The following ALG13 variants were observed in gnomAD, a reference collection of about 807,000 sequenced individuals.
ALG13 encodes the protein UDP-N-acetylglucosamine transferase subunit ALG13.
Under a neutral mutation model 87.8 loss-of-function variants are expected in ALG13, and 11 were observed. That is an observed-to-expected ratio of 0.13 (90% CI 0.08 to 0.21). ALG13 has a LOEUF of 0.21. ALG13 is among the 10% of genes least tolerant of loss of function. The pLI is 1.00. For synonymous variants in ALG13, 320 were observed against 306.3 expected (o/e 1.04, Z -0.47); for missense variants, 756 against 866.1 (o/e 0.87, Z 1.60).
intron 8 of ALG13, chrX:111,716,904 A>G (rs1307729301): frequency 9.0e-6 from 1 of 111,165 alleles, no homozygotes; most frequent in Non-Finnish European, 1.9e-5. Context: ...CTTAATCACT[A>G]GGGATTATAT....
intron 15 of ALG13, among the ~76,000 whole-genome samples, 184 bp from the exon 16 acceptor site, chrX:111,726,625 T>G (rs1314842730): frequency 9.0e-6 from 1 of 110,857 alleles, no homozygotes; most frequent in East Asian, 2.8e-4. Context: ...TACCTGCTGG[T>G]TTTGTCCTTC....
intron 1 of ALG13, chrX:111,681,798 C>G: frequency 1.2e-6 from 1 of 842,781 alleles, no homozygotes. Context: ...GTCGTCCCCT[C>G]AGGGCTCCCG....
chrX:111,739,263 C>T (rs749350090), intron 23 of ALG13, among the ~76,000 whole-genome samples: 4 of 111,665 alleles, frequency 3.6e-5, no homozygotes, highest in African/African-American at 6.5e-5. Context: ...TGAGAATTTA[C>T]TCACTATCAC....
chrX:111,717,209 G>A (rs1274134939), intron 8 of ALG13, among the ~76,000 whole-genome samples: 1 of 110,991 alleles, frequency 9.0e-6, no homozygotes, highest in East Asian at 2.8e-4. Flanking sequence ...AACAAGCATG[G>A]CCTTTGAATT....
At position 111,740,835 on chromosome X, in the gene ALG13, CAATT is replaced by C. The variant is rs1239579925; in HGVS notation, c.2696-3828_2696-3825del. On this transcript the variant is annotated intron_variant, in intron 23 of 26. Transcript: ENST00000394780. ...TTACTTTAAGAGGATGATAGGAAAT[CAATT>C]AATTTTCTTGAAAACTGGAACATGA... Among the ~76,000 whole-genome samples the C allele has an allele frequency of 2.4e-3, 268 of 112,153 alleles. 1 individual carries two copies. The highest frequency in any genetic ancestry group is 9.3e-3 in the Middle Eastern group (2 of 216).
At chrX:111,696,323 A>C (rs1458258018) in intron 3 of ALG13, among the ~76,000 whole-genome samples, 2 of 111,828 alleles carry the variant, frequency 1.8e-5, no homozygotes, top group East Asian at 5.6e-4. Context: ...CCACTGTTGA[A>C]TCACAGAGTA....
chrX:111,745,816 T>C (rs375474528), intron 24 of ALG13, among the ~76,000 whole-genome samples: 1 of 111,405 alleles, frequency 9.0e-6, no homozygotes, highest in Admixed American at 9.6e-5. Flanking sequence ...AATAGTGGTA[T>C]CATTTCCACC....
chrX:111,698,593 G>T (rs192983269), intron 3 of ALG13, among the ~76,000 whole-genome samples: 1 of 111,204 alleles, frequency 9.0e-6, no homozygotes, highest in African/African-American at 3.3e-5. Flanking sequence ...TTTAGATTCC[G>T]CATGTAAATC....
chrX:111,703,212 A>G (rs1296689320), intron 3 of ALG13, among the ~76,000 whole-genome samples: 1 of 109,933 alleles, frequency 9.1e-6, no homozygotes, highest in Non-Finnish European at 1.9e-5. Flanking sequence ...CATCATCATC[A>G]TCATTATCAT....
intron 3 of ALG13, chrX:111,706,868 A>ATAT (rs950117960): frequency 6.4e-5 from 7 of 108,993 alleles, no homozygotes; most frequent in Non-Finnish European, 1.3e-4. Flanking sequence ...AAATTATAAA[A>ATAT]TATTGCTGCT....
rs773305838 is a variant in ALG13, at chrX:111,712,544, T to C, written c.932+14T>C. 5 of 1,109,398 alleles carry C rather than the reference T, an allele frequency of 4.5e-6. No individual in the cohort carries two copies. The East Asian group carries it at 1.2e-4, about 27-fold the overall frequency. The allele number at this position is 1,109,398 out of a possible 1,213,427, so 91.4% of individuals were successfully genotyped here. ...TCTAATTTATAAGTAAGTTATATCC[T>C]CTTTTCTTTGAGAGTGGGTATGTGC... is the stretch of plus-strand genomic sequence containing the variant. On this transcript the variant is annotated intron_variant, in intron 7 of 26. Transcript: ENST00000394780.
At chrX:111,713,173 CT>C (rs1213314911) in intron 7 of ALG13, 51 bp from the exon 8 acceptor site, 1 of 827,843 alleles carries the variant, frequency 1.2e-6, no homozygotes, top group African/African-American at 2.0e-5. Context: ...ATAACTATCT[CT>C]TACGTATGCC....
chrX:111,757,988 T>A (rs1404546069), intron 26 of ALG13, among the ~76,000 whole-genome samples: 1 of 111,198 alleles, frequency 9.0e-6, no homozygotes, highest in Non-Finnish European at 1.9e-5. Flanking sequence ...CTGGCTTGCA[T>A]TTTCATTGAG....
At position 111,726,232 on chromosome X, in the gene ALG13, G is replaced by GTTT. The variant is rs1213050998; in HGVS notation, c.1730-558_1730-556dup. On this transcript the variant is annotated intron_variant, in intron 15 of 26. Transcript: ENST00000394780. ...AGTGCTGGGATTACAGGCGTGTTTT[G>GTTT]TTTTTTTTTTTTTTTTTTTTTGAGA... Among the ~76,000 whole-genome samples, 197 of 60,176 alleles carry GTTT rather than the reference G, an allele frequency of 3.3e-3. 2 individuals are homozygous for GTTT. The highest frequency in any genetic ancestry group is 0.011 in the African/African-American group (159 of 13,894). The allele number at this position is 60,176 out of a possible 115,157, so 52.3% of individuals were successfully genotyped here. A position where few individuals can be genotyped will look rare whatever the true frequency, so the allele number is the denominator to read the frequency against.
At chrX:111,690,898 T>C (rs1227299675) in intron 3 of ALG13, among the ~76,000 whole-genome samples, 1 of 111,515 alleles carries the variant, frequency 9.0e-6, no homozygotes, top group Non-Finnish European at 1.9e-5. Context: ...CCTGGCCCTT[T>C]ATTGTGGTAT....
chrX:111,691,689 CAG>C (rs1019425348), intron 3 of ALG13, among the ~76,000 whole-genome samples: 2 of 111,781 alleles, frequency 1.8e-5, no homozygotes, highest in Non-Finnish European at 3.8e-5. Flanking sequence ...TATTTGAAAT[CAG>C]AGGATTTTCC....
intron 25 of ALG13, 140 bp downstream of exon 25, chrX:111,752,970 A>G: frequency 2.3e-6 from 1 of 442,407 alleles, no homozygotes; most frequent in South Asian, 4.2e-5. Context: ...ATCTCTGAAG[A>G]TGACATAGTT....
intron 5 of ALG13, 32 bp downstream of exon 5, chrX:111,709,080 G>A (rs1232350790): frequency 1.1e-6 from 1 of 912,911 alleles, no homozygotes; most frequent in East Asian, 3.6e-5. Context: ...GGGAGAACTG[G>A]TAGAGTGTGT....
intron 3 of ALG13, among the ~76,000 whole-genome samples, chrX:111,687,069 C>G: frequency 9.0e-6 from 1 of 110,999 alleles, no homozygotes; most frequent in Middle Eastern, 4.7e-3. Context: ...GCAATTCTCC[C>G]GAATAGCTGG....
Sources: allele counts gnomAD v4.1 joint callset (sites outside exome capture counted in the v4.1 genomes callset), GRCh38; gene constraint gnomAD v4.1.1; transcripts MANE v1.5; gene names NCBI Gene and HGNC (gene_info 2026-07-23, HGNC 2026-07-21).